SAMD3: variants seen among roughly 807,000 people sequenced by gnomAD.
SAMD3 encodes the protein sterile alpha motif domain containing 3.
A neutral mutation model predicts 58.5 loss-of-function variants in SAMD3; 63 were observed. The ratio of observed to expected loss-of-function variants is 1.08; its 90% CI spans 0.88 to 1.33. The LOEUF (loss-of-function observed/expected upper bound fraction) is 1.33, where lower values mean the gene tolerates loss of function less well. Among genes scored for constraint, SAMD3 ranks in the 40% most tolerant of loss-of-function variants. SAMD3 has a pLI of 0.00. For missense variants in SAMD3, 604 were observed against 608.4 expected (o/e 0.99, Z 0.08); for synonymous variants, 220 against 210.3 (o/e 1.05, Z -0.40).
In SAMD3 at chr6:130,222,934, T is replaced by C. The variant is rs1336588554; in HGVS notation, c.-308A>G. ...CAGCAACTGAGCAGTGGCTGCCCCA[T>C]TGAAAGACAGCAAGACTGGGAGCCT... On this transcript the variant is annotated 5_prime_UTR_variant, in exon 1 of 12. The change abolishes an upstream ATG in the 5' untranslated region. Transcript: ENST00000439090. The C allele has an allele frequency of 6.6e-6, 1 of 152,182 alleles. No individual in the cohort carries two copies. Among genetic ancestry groups the C allele is most frequent in the Admixed American group, 6.5e-5 (1 of 15,280 alleles). 9.4% of individuals were successfully genotyped at this position (152,182 alleles called of 1,614,324 possible). A position where few individuals can be genotyped will look rare whatever the true frequency, so the allele number is the denominator to read the frequency against.
chr6:130,197,439 G>A (rs1301475144), intron 5 of SAMD3, among the ~76,000 whole-genome samples: 2 of 152,164 alleles, frequency 1.3e-5, no homozygotes, highest in Non-Finnish European at 2.9e-5. Flanking sequence ...TTTGCTGGTA[G>A]GACTATGCTG....
chr6:130,185,543 G>A (rs530126651), intron 5 of SAMD3, among the ~76,000 whole-genome samples: 1 of 151,552 alleles, frequency 6.6e-6, no homozygotes, highest in East Asian at 1.9e-4. Context: ...TGGCCAGGAT[G>A]GTCTCAATCT....
At chr6:130,339,269 G>T (rs6906377) in intron 1 of SAMD3, among the ~76,000 whole-genome samples, 1 of 151,976 alleles carries the variant, frequency 6.6e-6, no homozygotes, top group Non-Finnish European at 1.5e-5. Context: ...GGATGGTCTC[G>T]ATCCCCTGAC....
chr6:130,252,875 C>T (rs958597330), intron 2 of SAMD3, among the ~76,000 whole-genome samples: 1 of 152,180 alleles, frequency 6.6e-6, no homozygotes, highest in Non-Finnish European at 1.5e-5. Flanking sequence ...TGGGTATCTG[C>T]TCTCCTGAAG....
intron 5 of SAMD3, among the ~76,000 whole-genome samples, chr6:130,206,627 T>C (rs1795104825): frequency 6.6e-6 from 1 of 152,172 alleles, no homozygotes; most frequent in South Asian, 2.1e-4. Flanking sequence ...TTTTGAAACA[T>C]TAATTCTAAG....
At chr6:130,326,363 G>T (rs1215968882) in intron 1 of SAMD3, among the ~76,000 whole-genome samples, 1 of 117,864 alleles carries the variant, frequency 8.5e-6, no homozygotes, top group East Asian at 3.0e-4. Flanking sequence ...AGAAATGCCT[G>T]GTCATTTTTT....
chr6:130,326,020 A>C (rs1220300488), intron 1 of SAMD3, among the ~76,000 whole-genome samples: 1 of 152,224 alleles, frequency 6.6e-6, no homozygotes, highest in Non-Finnish European at 1.5e-5. Context: ...TGATAAACTC[A>C]GGGGCATATT....
At chr6:130,240,683 C>T (rs532416862) in intron 2 of SAMD3, among the ~76,000 whole-genome samples, 3 of 152,148 alleles carry the variant, frequency 2.0e-5, no homozygotes, top group Non-Finnish European at 4.4e-5. Flanking sequence ...TGAATTAATG[C>T]TGTTATTAAA....
chr6:130,280,663 A>G lies in SAMD3; in HGVS notation c.-188+32315T>C, dbSNP rs377540040. On this transcript the variant is annotated intron_variant, in intron 2 of 13. Coordinates refer to the SAMD3 transcript ENST00000368134. ...TGGCCATTGTTCATGGTTCTATTTC[A>G]GCATGTACACATAGAATCCCATATT... Among the ~76,000 whole-genome samples, 7 of 152,306 alleles carry G rather than the reference A, an allele frequency of 4.6e-5. 1 individual carries two copies.
chr6:130,307,732 G>A (rs1775955747), intron 2 of SAMD3, among the ~76,000 whole-genome samples: 1 of 152,160 alleles, frequency 6.6e-6, no homozygotes, highest in Non-Finnish European at 1.5e-5. Context: ...GCTTTTAAAA[G>A]CTTTGGTTAC....
At chr6:130,264,397 A>G (rs1289792717) in intron 2 of SAMD3, among the ~76,000 whole-genome samples, 1 of 152,170 alleles carries the variant, frequency 6.6e-6, no homozygotes, top group Non-Finnish European at 1.5e-5. Flanking sequence ...AATTTTCAAG[A>G]GCTTATCAAT....
In SAMD3 at chr6:130,350,224, C is replaced by T. The variant is rs148431676; in HGVS notation, c.-304+14896G>A. On this transcript the variant is annotated intron_variant, in intron 1 of 13. Transcript: ENST00000368134. ...ATAGTGTTAGAAGTTCTGGGCAGGG[C>T]ATTCAGGCAGGAGAAAGAAATAAAG... 2.8e-3 allele frequency among the ~76,000 whole-genome samples: 433 copies of T among 152,264 alleles called. 3 individuals are homozygous for T. Among genetic ancestry groups the T allele is most frequent in the Non-Finnish European group, 5.4e-3 (364 of 68,010 alleles).
chr6:130,161,035 A>G (rs1351215282), intron 8 of SAMD3: 2 of 152,172 alleles, frequency 1.3e-5, no homozygotes, highest in African/African-American at 4.8e-5. Flanking sequence ...TGACAATGTC[A>G]TTTATTTTTA....
chr6:130,236,068 A>G lies in SAMD3; in HGVS notation c.-187-13255T>C, dbSNP rs553337585. ...ATTTTAATAATACTTTCAAGATGTT[A>G]CTAGTTAAAGATTAGATATATCTAT... On this transcript the variant is annotated intron_variant, in intron 2 of 13. Transcript: ENST00000368134. Among the ~76,000 whole-genome samples the G allele has an allele frequency of 1.5e-4, 23 of 152,370 alleles. No individual in the cohort carries two copies. The South Asian group carries it at 4.1e-3, about 27-fold the overall frequency.
chr6:130,249,375 G>T (rs1773664576), intron 2 of SAMD3, among the ~76,000 whole-genome samples: 1 of 151,986 alleles, frequency 6.6e-6, no homozygotes, highest in Non-Finnish European at 1.5e-5. Context: ...TTTCTGAAAA[G>T]AAATGGTGTC....
chr6:130,261,374 C>T (rs1319213043), intron 2 of SAMD3, among the ~76,000 whole-genome samples: 2 of 143,946 alleles, frequency 1.4e-5, no homozygotes, highest in Non-Finnish European at 3.1e-5. Flanking sequence ...CAGGACCGGT[C>T]TTGGGAACTT....
intron 1 of SAMD3, among the ~76,000 whole-genome samples, chr6:130,316,951 T>G (rs1191267204): frequency 6.6e-6 from 1 of 152,230 alleles, no homozygotes; most frequent in East Asian, 1.9e-4. Flanking sequence ...AAAATGGCTT[T>G]AAGAGGTTGG....
At chr6:130,320,421 G>A (rs770192837) in intron 1 of SAMD3, among the ~76,000 whole-genome samples, 5 of 152,258 alleles carry the variant, frequency 3.3e-5, no homozygotes, top group African/African-American at 7.2e-5. Flanking sequence ...TGGAGCAACT[G>A]GAATTCTCAC....
intron 8 of SAMD3, among the ~76,000 whole-genome samples, chr6:130,164,765 A>G (rs1166062493): frequency 1.3e-5 from 2 of 152,064 alleles, no homozygotes; most frequent in Admixed American, 6.6e-5. Flanking sequence ...GAGGAATTGT[A>G]TACTGGATCT....
Sources: gnomAD v4.1 joint callset for allele counts (sites outside exome capture counted in the v4.1 genomes callset) on GRCh38, gnomAD v4.1.1 for gene constraint, MANE v1.5 for transcripts, NCBI Gene and HGNC (gene_info 2026-07-23, HGNC 2026-07-21) for gene names.